ELP4: variants seen among roughly 807,000 people sequenced by gnomAD.
ELP4 encodes the protein elongator complex protein 4.
A neutral mutation model predicts 48.9 loss-of-function variants in ELP4; 51 were observed. The ratio of observed to expected loss-of-function variants is 1.04; its 90% CI spans 0.83 to 1.32. The LOEUF is 1.32. Among genes scored for constraint, ELP4 ranks in the 40% most tolerant of loss-of-function variants. ELP4 has a pLI of 0.00. For synonymous variants in ELP4, 210 were observed against 189.2 expected (o/e 1.11, Z -0.90); for missense variants, 519 against 514.6 (o/e 1.01, Z -0.08).
intron 9 of ELP4, among the ~76,000 whole-genome samples, chr11:31,773,651 A>C (rs1948191952): frequency 6.6e-6 from 1 of 152,192 alleles, no homozygotes; most frequent in African/African-American, 2.4e-5. Context: ...CTCAACACAC[A>C]AAAATAAATG....
chr11:31,674,320 A>G (rs926816594), intron 9 of ELP4, among the ~76,000 whole-genome samples: 3 of 152,216 alleles, frequency 2.0e-5, no homozygotes, highest in African/African-American at 7.2e-5. Context: ...ACACCAGAAC[A>G]TTGGAGACAC....
chr11:31,661,851 A>G (rs1945563701), intron 9 of ELP4, among the ~76,000 whole-genome samples: 1 of 152,094 alleles, frequency 6.6e-6, no homozygotes, highest in Non-Finnish European at 1.5e-5. Flanking sequence ...TGAGTTACAG[A>G]TGAAATAATT....
chr11:31,582,945 T>C (rs1957413682), intron 3 of ELP4, among the ~76,000 whole-genome samples: 1 of 152,084 alleles, frequency 6.6e-6, no homozygotes, highest in Non-Finnish European at 1.5e-5. Context: ...CCCCTCTATA[T>C]GAAGACTTTC....
At chr11:31,657,468 A>T (rs1052397980) in intron 9 of ELP4, among the ~76,000 whole-genome samples, 1 of 152,060 alleles carries the variant, frequency 6.6e-6, no homozygotes, top group African/African-American at 2.4e-5. Context: ...GTAAGGACAT[A>T]GTATGTCTTA....
chr11:31,735,199 C>A (rs1402391224), intron 9 of ELP4, among the ~76,000 whole-genome samples: 3 of 149,524 alleles, frequency 2.0e-5, no homozygotes, highest in African/African-American at 4.9e-5. Flanking sequence ...GAGATTGGAT[C>A]CTCATCTTAC....
At position 31,647,754 on chromosome 11, in the gene ELP4, T is replaced by C. The variant is rs773010532; in HGVS notation, c.941T>C (p.Ile314Thr). The change falls in exon 8 of 10, where the codon ATT (isoleucine) becomes ACT (threonine). Residue 314 changes from isoleucine to threonine, a missense_variant. Ile to Thr is a moderately conservative substitution (Grantham distance 89). Transcript: ENST00000640961. ...PTHLIQNKAI[I>T]ARVTTLSDVV... is the part of the protein sequence containing the mutation. ...CATGTTTTGCAGAATAAAGCCATTA[T>C]TGCCCGTGTCACAACCTTGTCAGAT... 2 of 1,607,298 alleles carry C rather than the reference T, an allele frequency of 1.2e-6. No individual in the cohort carries two copies. The highest frequency in any genetic ancestry group is 2.2e-5 in the East Asian group (1 of 44,710).
chr11:31,560,854 C>G (rs1476668728), intron 3 of ELP4, among the ~76,000 whole-genome samples: 1 of 151,304 alleles, frequency 6.6e-6, no homozygotes, highest in Admixed American at 6.6e-5. Flanking sequence ...GGTACCTTTG[C>G]TATATTTAGA....
In ELP4 at chr11:31,599,928, T is replaced by C. The variant is rs890300977; in HGVS notation, c.514-3840T>C. Reference sequence around the variant, plus strand: ...GAGATTGGGCACATTCAGGGTGGTTTGGCCGTAGACTTCACTGTGTTTTCT... The same window carrying C: ...GAGATTGGGCACATTCAGGGTGGTTCGGCCGTAGACTTCACTGTGTTTTCT... On this transcript the variant is annotated intron_variant, in intron 4 of 9. Coordinates refer to ENST00000640961, the MANE Select transcript of ELP4 (RefSeq NM_019040.5). 4 of 152,198 alleles carry C rather than the reference T, an allele frequency of 2.6e-5. No individual in the cohort carries two copies. The East Asian group carries it at 7.7e-4, about 29-fold the overall frequency. 9.4% of individuals were successfully genotyped at this position (152,198 alleles called of 1,614,324 possible).
intron 5 of ELP4, among the ~76,000 whole-genome samples, chr11:31,620,118 T>C (rs974815027): frequency 6.6e-6 from 1 of 151,922 alleles, no homozygotes; most frequent in South Asian, 2.1e-4. Context: ...AGTGAGGATA[T>C]GTATAGTGGG....
At chr11:31,559,120 G>A (rs1232845158) in intron 3 of ELP4, among the ~76,000 whole-genome samples, 1 of 152,080 alleles carries the variant, frequency 6.6e-6, no homozygotes, top group Non-Finnish European at 1.5e-5. Context: ...ACTGTCAAGG[G>A]TCAAATTAAA....
At chr11:31,636,173 A>G (rs1403111946) in intron 7 of ELP4, among the ~76,000 whole-genome samples, 2 of 152,020 alleles carry the variant, frequency 1.3e-5, no homozygotes, top group African/African-American at 4.8e-5. Context: ...ATTCCTATTC[A>G]CATGGAACTT....
rs1948427735 is a variant in ELP4, at chr11:31,783,531, C to T, written c.*7C>T. ...GAAGCACCTGGACTTCTAGGGATTC[C>T]TCCTTAGTCGCTGCATGCAGAATTC... On this transcript the variant is annotated 3_prime_UTR_variant, in exon 10 of 10. Coordinates refer to ENST00000640961, the MANE Select transcript of ELP4 (RefSeq NM_019040.5). 1 of 1,612,460 alleles carries T rather than the reference C, an allele frequency of 6.2e-7. No individual in the cohort carries two copies. The highest frequency in any genetic ancestry group is 8.5e-7 in the Non-Finnish European group (1 of 1,179,190).
intron 5 of ELP4, among the ~76,000 whole-genome samples, chr11:31,609,751 G>A (rs1394967974): frequency 6.6e-6 from 1 of 152,094 alleles, no homozygotes; most frequent in Non-Finnish European, 1.5e-5. Flanking sequence ...TAAGATTAAA[G>A]ATTACAAGCA....
At chr11:31,719,657 G>A in intron 9 of ELP4, 1 of 390,910 alleles carries the variant, frequency 2.6e-6, no homozygotes, top group Non-Finnish European at 4.5e-6. Context: ...AAGAAATATA[G>A]GGCGAATTAT....
chr11:31,673,291 C>T (rs1411624559), intron 9 of ELP4, among the ~76,000 whole-genome samples: 4 of 151,904 alleles, frequency 2.6e-5, no homozygotes, highest in East Asian at 1.9e-4. Context: ...GCTGGGATTA[C>T]AGGCATGAGC....
At chr11:31,775,881 C>T (rs1948235187) in intron 9 of ELP4, among the ~76,000 whole-genome samples, 1 of 152,136 alleles carries the variant, frequency 6.6e-6, no homozygotes, top group African/African-American at 2.4e-5. Flanking sequence ...AGGAGAATTG[C>T]TTGAACCCAG....
At chr11:31,591,854 C>A (rs554274068) in intron 3 of ELP4, among the ~76,000 whole-genome samples, 1 of 152,184 alleles carries the variant, frequency 6.6e-6, no homozygotes. Context: ...AGAAATGATC[C>A]ATGTACGTCA....
At chr11:31,763,580 T>C (rs781734812) in intron 9 of ELP4, 1 of 1,554,316 alleles carries the variant, frequency 6.4e-7, no homozygotes, top group Non-Finnish European at 8.7e-7. Flanking sequence ...CAGCTAAAGC[T>C]TCTACTGAAA....
At chr11:31,558,476 G>C (rs1044403566) in intron 3 of ELP4, among the ~76,000 whole-genome samples, 23 of 152,094 alleles carry the variant, frequency 1.5e-4, no homozygotes, top group Admixed American at 2.6e-4. Context: ...ATCAACAAAA[G>C]GAATTTTGCA....
Sources: gnomAD v4.1 joint callset for allele counts (sites outside exome capture counted in the v4.1 genomes callset) on GRCh38, gnomAD v4.1.1 for gene constraint, MANE v1.5 for transcripts, NCBI Gene and HGNC (gene_info 2026-07-23, HGNC 2026-07-21) for gene names.